The following CMTM8 variants were observed in gnomAD, a reference collection of about 807,000 sequenced individuals.
The protein encoded by CMTM8 is CKLF-like MARVEL transmembrane domain-containing protein 8.
CMTM8 carries 12 observed loss-of-function variants against 18.6 expected under a neutral mutation model. That is an observed-to-expected ratio of 0.65 (90% confidence interval 0.41 to 1.05). CMTM8 has a LOEUF of 1.05. Among genes scored for constraint, CMTM8 ranks in the 50% least tolerant of loss-of-function variants. The pLI is 0.00. For synonymous variants in CMTM8, 87 were observed against 90.6 expected, an observed-to-expected ratio of 0.96 and a Z score of 0.23; for missense variants, 217 against 227.2, an observed-to-expected ratio of 0.95 and a Z score of 0.29.
intron 1 of CMTM8, among the ~76,000 whole-genome samples, chr3:32,315,629 ATGT>A (rs1016338280): frequency 6.6e-6 from 1 of 152,166 alleles, no homozygotes; most frequent in Non-Finnish European, 1.5e-5. Flanking sequence ...ATCACAGTTA[ATGT>A]TGTACTATGT....
intron 1 of CMTM8, among the ~76,000 whole-genome samples, chr3:32,263,781 G>T (rs2125538978): frequency 6.6e-6 from 1 of 152,298 alleles, no homozygotes; most frequent in African/African-American, 2.4e-5. Flanking sequence ...GAAAACCACG[G>T]CACGAGAACT....
chr3:32,340,749 G>A (rs1161269099), intron 1 of CMTM8, among the ~76,000 whole-genome samples: 2 of 152,238 alleles, frequency 1.3e-5, no homozygotes, highest in Non-Finnish European at 2.9e-5. Context: ...AACAGACAGT[G>A]AGCCGCATGT....
At chr3:32,262,901 G>A (rs1037166722) in intron 1 of CMTM8, among the ~76,000 whole-genome samples, 3 of 151,704 alleles carry the variant, frequency 2.0e-5, no homozygotes, top group African/African-American at 4.9e-5. Flanking sequence ...CGGGAACATA[G>A]AATTTAGCCT....
At chr3:32,255,715 T>C (rs1702167126) in intron 1 of CMTM8, among the ~76,000 whole-genome samples, 1 of 152,176 alleles carries the variant, frequency 6.6e-6, no homozygotes. Context: ...TTCATTAATT[T>C]TTACTCAGTT....
intron 1 of CMTM8, among the ~76,000 whole-genome samples, chr3:32,316,086 G>T (rs1263755333): frequency 7.1e-6 from 1 of 141,508 alleles, no homozygotes; most frequent in Non-Finnish European, 1.5e-5. Context: ...GAGTACAGTG[G>T]CGCGATCTCG....
intron 1 of CMTM8, among the ~76,000 whole-genome samples, chr3:32,308,852 C>T (rs995082978): frequency 6.6e-6 from 1 of 152,120 alleles, no homozygotes; most frequent in Non-Finnish European, 1.5e-5. Flanking sequence ...CTCTAGGAAC[C>T]TAAGGTTCAA....
chr3:32,307,382 G>A (rs2125566941), intron 1 of CMTM8, among the ~76,000 whole-genome samples: 1 of 152,242 alleles, frequency 6.6e-6, no homozygotes, highest in Admixed American at 6.5e-5. Flanking sequence ...CCTGGTGGCT[G>A]ACTGGATGAG....
intron 1 of CMTM8, among the ~76,000 whole-genome samples, chr3:32,321,151 G>T (rs1026549347): frequency 5.9e-5 from 9 of 151,862 alleles, no homozygotes; most frequent in African/African-American, 2.2e-4. Flanking sequence ...CACCAAGTCA[G>T]CGGTGTGCTT....
chr3:32,350,544 G>A (rs13071399), intron 1 of CMTM8, among the ~76,000 whole-genome samples: 7,399 of 131,068 alleles, frequency 0.056, 271 homozygotes, highest in East Asian at 0.15. Context: ...TTTTTGAGAC[G>A]GAGTCTCGCT....
intron 1 of CMTM8, among the ~76,000 whole-genome samples, chr3:32,280,074 A>C (rs1702582839): frequency 6.6e-6 from 1 of 152,112 alleles, no homozygotes; most frequent in Non-Finnish European, 1.5e-5. Flanking sequence ...CTATTGCTTC[A>C]TAGTGGTAAC....
chr3:32,361,353 A>G (rs895345533), intron 2 of CMTM8, among the ~76,000 whole-genome samples: 4 of 141,330 alleles, frequency 2.8e-5, no homozygotes, highest in African/African-American at 5.3e-5. Flanking sequence ...AATATGTGAC[A>G]TGTACCCCTG....
chr3:32,322,014 TA>T (rs1332821045), intron 1 of CMTM8, among the ~76,000 whole-genome samples: 3 of 152,236 alleles, frequency 2.0e-5, no homozygotes, highest in Non-Finnish European at 1.5e-5. Context: ...CTGTGAAGCC[TA>T]AACCGTTCAT....
intron 1 of CMTM8, among the ~76,000 whole-genome samples, chr3:32,268,581 C>G (rs1426298624): frequency 9.0e-5 from 6 of 66,934 alleles, no homozygotes; most frequent in African/African-American, 3.2e-4. Context: ...TACCCTAGAA[C>G]TTAAAGTATA....
chr3:32,337,653 G>A (rs1470953159), intron 1 of CMTM8, among the ~76,000 whole-genome samples: 1 of 152,202 alleles, frequency 6.6e-6, no homozygotes, highest in Non-Finnish European at 1.5e-5. Context: ...TCTTAAACTT[G>A]AGCTGCTTGG....
intron 1 of CMTM8, among the ~76,000 whole-genome samples, chr3:32,304,360 C>T (rs1365383183): frequency 1.3e-5 from 2 of 152,148 alleles, no homozygotes; most frequent in Admixed American, 1.3e-4. Context: ...TTGTAACATC[C>T]ACTGATGTTC....
chr3:32,270,786 G>A (rs985538092), intron 1 of CMTM8, among the ~76,000 whole-genome samples: 3 of 152,068 alleles, frequency 2.0e-5, no homozygotes, highest in African/African-American at 7.2e-5. Context: ...GAGTTAATGG[G>A]TGCAGCACAC....
At chr3:32,243,209 T>C (rs1466899674) in intron 1 of CMTM8, among the ~76,000 whole-genome samples, 1 of 151,416 alleles carries the variant, frequency 6.6e-6, no homozygotes, top group Non-Finnish European at 1.5e-5. Context: ...AAATGATAGC[T>C]CTCTTAAAAG....
chr3:32,239,026 C>T lies in CMTM8; in HGVS notation c.54C>T (p.Ser18=). The change falls in exon 1 of 4, where the codon TCC becomes TCT. Residue 18 remains serine (S), a synonymous_variant. Coordinates refer to ENST00000307526, the MANE Select transcript of CMTM8 (RefSeq NM_178868.5). ...ACACAGTCACCACCACCGCCAGCTC[C>T]TTCGCAGAGAACTTCTCCACCAGCA... The part of the protein sequence containing the change: ...RSHTVTTTAS[S]FAENFSTSSS... 6.3e-7 allele frequency: 1 copy of T among 1,575,070 alleles called. No individual in the cohort carries two copies. The highest frequency in any genetic ancestry group is 1.2e-5 in the South Asian group (1 of 85,610).
chr3:32,275,471 C>G (rs1469376823), intron 1 of CMTM8, among the ~76,000 whole-genome samples: 1 of 152,018 alleles, frequency 6.6e-6, no homozygotes, highest in East Asian at 1.9e-4. Context: ...TTGAAAGAAT[C>G]AAATGCAAAT....
Sources: allele counts gnomAD v4.1 joint callset (sites outside exome capture counted in the v4.1 genomes callset), GRCh38; gene constraint gnomAD v4.1.1; transcripts MANE v1.5; gene names NCBI Gene and HGNC (gene_info 2026-07-23, HGNC 2026-07-21).